Variants in TSPAN15 observed in about 807,000 individuals in gnomAD.
TSPAN15 encodes tetraspanin 15.
TSPAN15 carries 20 observed loss-of-function variants against 34.5 expected under a neutral mutation model. The ratio of observed to expected loss-of-function variants is 0.58; its 90% confidence interval spans 0.41 to 0.84. The LOEUF (loss-of-function observed/expected upper bound fraction) is 0.84. TSPAN15 is among the 40% of genes least tolerant of loss of function. TSPAN15 has a pLI of 0.00. For missense variants in TSPAN15, 313 were observed against 386.1 expected (o/e 0.81, Z 1.59); for synonymous variants, 155 against 153.9 (o/e 1.01, Z -0.05).
intron 1 of TSPAN15, among the ~76,000 whole-genome samples, chr10:69,480,260 G>T (rs1841704889): frequency 6.6e-6 from 1 of 152,170 alleles, no homozygotes. Context: ...AGGCAGGAAG[G>T]AGGAATGGGA....
rs114736385 is a variant in TSPAN15 at position 69,498,531 on chromosome 10, G to A, written c.570+135G>A. ...GGGAAGTAGGAGTTGGTGGCAGAGC[G>A]GAGGCTTTCCTGATTCTCAAGGGCT... On this transcript the variant is annotated intron_variant, in intron 5 of 7. Transcript: ENST00000373290. 6.8e-3 allele frequency: 4,711 copies of A among 696,836 alleles called. 160 individuals are homozygous for A. In the African/African-American group the frequency reaches 0.075, roughly 11 times the overall value. The allele number at this position is 696,836 out of a possible 1,614,324, so 43.2% of individuals were successfully genotyped here.
intron 1 of TSPAN15, among the ~76,000 whole-genome samples, chr10:69,459,925 C>CA (rs942977393): frequency 7.5e-6 from 1 of 133,076 alleles, no homozygotes; most frequent in Non-Finnish European, 1.7e-5. Context: ...TAGGCACCCC[C>CA]CCCCCACGAA....
At chr10:69,521,991 G>C in the TSPAN15 span, among the ~76,000 whole-genome samples, 5 of 147,680 alleles carry the variant, frequency 3.4e-5, 1 homozygote, top group Non-Finnish European at 7.5e-5. Flanking sequence ...GTTTTGATTT[G>C]CATTTCTCTA....
intron 1 of TSPAN15, among the ~76,000 whole-genome samples, chr10:69,462,155 G>GTTTTTTTTT (rs755068937): frequency 4.8e-5 from 4 of 82,704 alleles, no homozygotes; most frequent in African/African-American, 9.0e-5. Flanking sequence ...TAATTTTAAA[G>GTTTTTTTTT]TTTTTTTTTT....
At chr10:69,458,273 C>T (rs548887660) in intron 1 of TSPAN15, among the ~76,000 whole-genome samples, 8 of 152,104 alleles carry the variant, frequency 5.3e-5, no homozygotes, top group Admixed American at 2.0e-4. Flanking sequence ...TTTTTACTTT[C>T]GAGAAGAGCT....
chr10:69,483,625 T>C, intron 1 of TSPAN15, 66 bp from the exon 2 acceptor site: 1 of 1,533,582 alleles, frequency 6.5e-7, no homozygotes, highest in Admixed American at 1.9e-5. Flanking sequence ...CAGCCCCAGA[T>C]GACTCTTTGC....
chr10:69,492,401 G>A (rs1227931250), intron 3 of TSPAN15, among the ~76,000 whole-genome samples: 1 of 152,098 alleles, frequency 6.6e-6, no homozygotes, highest in African/African-American at 2.4e-5. Context: ...CAGTGTCCTC[G>A]TCTCCCCGGT....
intron 1 of TSPAN15, among the ~76,000 whole-genome samples, chr10:69,455,836 AG>A (rs1841095748): frequency 6.6e-6 from 1 of 152,024 alleles, no homozygotes; most frequent in Non-Finnish European, 1.5e-5. Context: ...GTTTTCACAA[AG>A]TGAACACACC....
chr10:69,502,939 G>A (rs1264664861), intron 5 of TSPAN15, among the ~76,000 whole-genome samples: 1 of 152,218 alleles, frequency 6.6e-6, no homozygotes, highest in Non-Finnish European at 1.5e-5. Context: ...CAGGGACTTT[G>A]TCTTGTTGTT....
chr10:69,522,754 T>C, the TSPAN15 span, among the ~76,000 whole-genome samples: 1 of 147,554 alleles, frequency 6.8e-6, no homozygotes, highest in Non-Finnish European at 1.5e-5. Context: ...ACCATCCCCT[T>C]CCATCCAACC....
At position 69,495,695 on chromosome 10, in the gene TSPAN15, C is replaced by A. The variant is rs753603653; in HGVS notation, c.453+6C>A. 6.8e-6 allele frequency: 11 copies of A among 1,610,094 alleles called. No individual in the cohort carries two copies. In the South Asian group the frequency reaches 9.9e-5, roughly 14 times the overall value. The stretch of plus-strand genomic sequence containing the variant: ...TGGACTTTGTTCAGAAAAAGGTGAG[C>A]CAGGCGCTTTGGGGTAGAGATGCGC... On this transcript the variant is annotated splice_donor_region_variant and intron_variant, in intron 4 of 7. Transcript: ENST00000373290.
the TSPAN15 span, among the ~76,000 whole-genome samples, chr10:69,533,306 T>G: frequency 6.6e-6 from 1 of 152,154 alleles, no homozygotes; most frequent in African/African-American, 2.4e-5. Context: ...AACTGTGATA[T>G]ATATATATAT....
At chr10:69,520,714 T>C in the TSPAN15 span, among the ~76,000 whole-genome samples, 1 of 152,254 alleles carries the variant, frequency 6.6e-6, no homozygotes, top group African/African-American at 2.4e-5. Context: ...TTTATCCATT[T>C]ATCTATTGAT....
At chr10:69,485,091 C>T (rs1173472897) in intron 2 of TSPAN15, 50 bp from the exon 3 acceptor site, 1 of 1,563,448 alleles carries the variant, frequency 6.4e-7, no homozygotes, top group African/African-American at 1.4e-5. Flanking sequence ...CTGTACCCCA[C>T]ACACGCCCAC....
intron 6 of TSPAN15, among the ~76,000 whole-genome samples, chr10:69,504,887 T>G (rs1842293184): frequency 1.3e-5 from 2 of 152,134 alleles, no homozygotes; most frequent in Admixed American, 6.5e-5. Flanking sequence ...GTCAGCTTCC[T>G]GGGCAACACC....
At chr10:69,519,991 C>T in the TSPAN15 span, among the ~76,000 whole-genome samples, 1 of 152,214 alleles carries the variant, frequency 6.6e-6, no homozygotes, top group Non-Finnish European at 1.5e-5. Flanking sequence ...TTTGGCCTCC[C>T]AAAGTGCTGG....
the TSPAN15 span, among the ~76,000 whole-genome samples, chr10:69,540,091 A>T: frequency 6.6e-6 from 1 of 151,832 alleles, no homozygotes; most frequent in Non-Finnish European, 1.5e-5. Flanking sequence ...GGGTTTCACC[A>T]TGTTGGCCAG....
Position 69,506,884 on chromosome 10 carries a change from T to C in TSPAN15, c.791T>C (p.Met264Thr), listed in dbSNP as rs1842338502. 1 of 1,605,404 alleles carries C rather than the reference T, an allele frequency of 6.2e-7. No individual in the cohort carries two copies. Among genetic ancestry groups the C allele is most frequent in the Non-Finnish European group, 8.5e-7 (1 of 1,176,720 alleles). The change falls in exon 8 of 8, where the codon ATG becomes ACG. Residue 264 changes from methionine to threonine, a missense_variant. Coordinates refer to ENST00000373290, the MANE Select transcript of TSPAN15 (RefSeq NM_012339.5). The surrounding 1 kb of genome is among the most constrained non-coding windows in gnomAD (Gnocchi z 4.7). ...ATCACCCGGGTGGAGGACATCATCATGGAGCACTCTGTCACTGATGGGCTC... is the reference window on the plus strand; with the variant it reads ...ATCACCCGGGTGGAGGACATCATCACGGAGCACTCTGTCACTGATGGGCTC... ...LYITRVEDII[M>T]EHSVTDGLLG...
the TSPAN15 span, among the ~76,000 whole-genome samples, chr10:69,519,259 A>C: frequency 6.6e-6 from 1 of 151,966 alleles, no homozygotes; most frequent in African/African-American, 2.4e-5. Context: ...ACAAATAATA[A>C]TAATAAAAAA....
Sources: gnomAD v4.1 joint callset for allele counts (sites outside exome capture counted in the v4.1 genomes callset) on GRCh38, gnomAD v4.1.1 for gene constraint, Gnocchi (gnomAD v3.1) non-coding constraint, MANE v1.5 for transcripts, NCBI Gene and HGNC (gene_info 2026-07-23, HGNC 2026-07-21) for gene names.